Variants in TUSC3 observed in about 807,000 individuals in gnomAD.
TUSC3 encodes the protein tumor suppressor candidate 3, also known as dolichyl-diphosphooligosaccharide--protein glycosyltransferase subunit TUSC3.
Under a neutral mutation model 44.8 loss-of-function variants are expected in TUSC3, and 45 were observed. The ratio of observed to expected loss-of-function variants is 1.00; its 90% confidence interval spans 0.79 to 1.29. The LOEUF (loss-of-function observed/expected upper bound fraction) is 1.29. TUSC3 is among the 50% of genes most tolerant of loss of function. The pLI is 0.00. For missense variants in TUSC3, 519 were observed against 437.9 expected (o/e 1.19, Z -1.65); for synonymous variants, 212 against 152.9 (o/e 1.39, Z -2.85).
At chr8:15,839,247 G>A in the TUSC3 span, among the ~76,000 whole-genome samples, 1 of 152,172 alleles carries the variant, frequency 6.6e-6, no homozygotes, top group Non-Finnish European at 1.5e-5. Context: ...ATCAGCTTAA[G>A]GAGATTTTGG....
At chr8:15,529,017 A>G (rs1032627664) in intron 2 of TUSC3, among the ~76,000 whole-genome samples, 2 of 152,180 alleles carry the variant, frequency 1.3e-5, no homozygotes, top group African/African-American at 4.8e-5. Context: ...TCTTAGCCCT[A>G]CCACCTACTC....
chr8:15,502,287 A>G (rs528945508), intron 2 of TUSC3, among the ~76,000 whole-genome samples: 32 of 152,284 alleles, frequency 2.1e-4, no homozygotes, highest in African/African-American at 2.9e-4. Flanking sequence ...CAAATGCCCA[A>G]TTAAATTGTT....
chr8:15,745,973 G>C (rs1480306819), intron 8 of TUSC3, among the ~76,000 whole-genome samples: 1 of 152,022 alleles, frequency 6.6e-6, no homozygotes. Context: ...TCATTCTTGT[G>C]CATATGGCTA....
chr8:15,459,832 TTGTGTGTGTG>T (rs35529446), intron 1 of TUSC3, among the ~76,000 whole-genome samples: 2 of 148,540 alleles, frequency 1.3e-5, no homozygotes, highest in African/African-American at 2.5e-5. Context: ...AGTATTCCAT[TTGTGTGTGTG>T]TGTGTGTGTG....
intron 2 of TUSC3, among the ~76,000 whole-genome samples, chr8:15,494,891 C>T (rs1209615826): frequency 6.6e-6 from 1 of 152,138 alleles, no homozygotes; most frequent in Non-Finnish European, 1.5e-5. Context: ...TTCACCAAAT[C>T]TATAGCTGCA....
At chr8:15,445,339 TG>T (rs1800081501) in intron 1 of TUSC3, among the ~76,000 whole-genome samples, 1 of 152,232 alleles carries the variant, frequency 6.6e-6, no homozygotes, top group East Asian at 1.9e-4. Flanking sequence ...TAGTATTTAT[TG>T]ATCATTATTG....
At chr8:15,819,814 C>T in the TUSC3 span, among the ~76,000 whole-genome samples, 3 of 152,146 alleles carry the variant, frequency 2.0e-5, no homozygotes, top group Non-Finnish European at 2.9e-5. Flanking sequence ...TCTAGAAAGG[C>T]TGAAATTTTC....
Position 15,743,530 on chromosome 8 carries a change from T to G in TUSC3, c.863-8T>G. On this transcript the variant is annotated splice_polypyrimidine_tract_variant and splice_region_variant and intron_variant, in intron 7 of 10. Transcript: ENST00000503731. ...CTATGTCTACGGCTTCCTTGACAACTACTGCAGATGCCGCTATCACCATGG... is the reference window on the plus strand; with the variant it reads ...CTATGTCTACGGCTTCCTTGACAACGACTGCAGATGCCGCTATCACCATGG... 1 of 1,613,924 alleles carries G rather than the reference T, an allele frequency of 6.2e-7. No homozygotes were observed. The highest frequency in any genetic ancestry group is 8.5e-7 in the Non-Finnish European group (1 of 1,179,790).
chr8:15,575,428 T>A (rs1166955701), intron 1 of TUSC3, among the ~76,000 whole-genome samples: 1 of 152,150 alleles, frequency 6.6e-6, no homozygotes, highest in African/African-American at 2.4e-5. Context: ...TGTGTGTACA[T>A]TCATTGCTTC....
chr8:15,424,343 G>A lies in TUSC3; in HGVS notation n.91+7038G>A, dbSNP rs184152945. ...CAGCAACTCTAGAACAACCTGGAGCGTTGTTATTCCCCTCCCAGTATTTAT... is the reference window on the plus strand; with the variant it reads ...CAGCAACTCTAGAACAACCTGGAGCATTGTTATTCCCCTCCCAGTATTTAT... On this transcript the variant is annotated intron_variant and non_coding_transcript_variant, in intron 1 of 5. Coordinates refer to the TUSC3 transcript ENST00000503191. Among the ~76,000 whole-genome samples, 13 of 152,118 alleles carry A rather than the reference G, an allele frequency of 8.5e-5. No homozygotes were observed. The East Asian group carries it at 2.3e-3, about 27-fold the overall frequency.
chr8:15,422,049 A>C (rs984191634), intron 1 of TUSC3, among the ~76,000 whole-genome samples: 5 of 152,030 alleles, frequency 3.3e-5, no homozygotes, highest in African/African-American at 1.2e-4. Flanking sequence ...TTGCACTTTA[A>C]CTGTCTCTAG....
At chr8:15,488,638 G>T (rs562289943) in intron 2 of TUSC3, among the ~76,000 whole-genome samples, 1 of 152,086 alleles carries the variant, frequency 6.6e-6, no homozygotes, top group East Asian at 1.9e-4. Flanking sequence ...TTTAGATGAC[G>T]TCATGAGGGT....
At chr8:15,749,530 G>A (rs750532767) in intron 9 of TUSC3, among the ~76,000 whole-genome samples, 4 of 151,914 alleles carry the variant, frequency 2.6e-5, no homozygotes, top group African/African-American at 4.8e-5. Flanking sequence ...TGGAAGAAAT[G>A]TGGGTATCAG....
rs575914475 is a variant in TUSC3, at chr8:15,582,170, C to T, written c.139-40910C>T. On this transcript the variant is annotated intron_variant, in intron 1 of 10. Coordinates refer to ENST00000503731, the MANE Select transcript of TUSC3 (RefSeq NM_006765.4). Reference sequence around the variant, plus strand: ...CAATGCCTCGCCCTGCTTCGGCTCGCGCATGGTGCGCGCACCCACTGGCCT... The same window carrying T: ...CAATGCCTCGCCCTGCTTCGGCTCGTGCATGGTGCGCGCACCCACTGGCCT... Among the ~76,000 whole-genome samples, 19 of 152,330 alleles carry T rather than the reference C, an allele frequency of 1.2e-4. No individual in the cohort carries two copies. The East Asian group carries it at 2.7e-3, about 22-fold the overall frequency.
At chr8:15,769,341 T>G (rs1812401471), downstream of TUSC3, among the ~76,000 whole-genome samples, 1 of 152,146 alleles carries the variant, frequency 6.6e-6, no homozygotes, top group African/African-American at 2.4e-5. Context: ...GATTCCCTAT[T>G]TAATAAATGG....
intron 5 of TUSC3, among the ~76,000 whole-genome samples, chr8:15,668,371 A>G (rs1196674796): frequency 6.6e-6 from 1 of 151,700 alleles, no homozygotes; most frequent in East Asian, 1.9e-4. Flanking sequence ...TCTTTGTTTC[A>G]GTGCATTTAC....
intron 3 of TUSC3, 88 bp downstream of exon 3, chr8:15,650,902 ATCG>A: frequency 2.9e-6 from 4 of 1,401,996 alleles, no homozygotes; most frequent in Non-Finnish European, 4.0e-6. Context: ...CAATTCATTC[ATCG>A]TCTGAACCTG....
At chr8:15,550,207 G>A (rs1049580630) in intron 1 of TUSC3, among the ~76,000 whole-genome samples, 8 of 151,654 alleles carry the variant, frequency 5.3e-5, no homozygotes, top group Admixed American at 2.0e-4. Flanking sequence ...GTCTGTCTGT[G>A]GATTTCATTT....
intron 5 of TUSC3, among the ~76,000 whole-genome samples, chr8:15,664,897 T>G (rs901175280): frequency 1.3e-5 from 2 of 151,152 alleles, no homozygotes; most frequent in African/African-American, 4.8e-5. Context: ...TTATCATTTC[T>G]GCCTGATACC....
Sources: gnomAD v4.1 joint callset for allele counts (sites outside exome capture counted in the v4.1 genomes callset) on GRCh38, gnomAD v4.1.1 for gene constraint, MANE v1.5 for transcripts, NCBI Gene and HGNC (gene_info 2026-07-23, HGNC 2026-07-21) for gene names.